Variants in SLC25A26 observed in about 807,000 individuals in gnomAD.
SLC25A26 encodes the protein solute carrier family 25 member 26, also known as mitochondrial S-adenosylmethionine carrier protein.
In SLC25A26, 36 loss-of-function variants were observed where a neutral mutation model predicts 37.8. That is an observed-to-expected ratio of 0.95 (90% CI 0.73 to 1.26). The LOEUF (loss-of-function observed/expected upper bound fraction) is 1.26, where lower values mean the gene tolerates loss of function less well. Ranked by LOEUF, SLC25A26 falls within the 50% of genes most tolerant of loss-of-function variation. SLC25A26 has a pLI of 0.00. For missense variants in SLC25A26, 390 were observed against 331.1 expected, an observed-to-expected ratio of 1.18 and a Z score of -1.38; for synonymous variants, 129 against 122.5, an observed-to-expected ratio of 1.05 and a Z score of -0.35.
intron 1 of SLC25A26, among the ~76,000 whole-genome samples, chr3:66,153,259 C>A (rs1214421955): frequency 2.0e-5 from 3 of 152,156 alleles, no homozygotes; most frequent in Non-Finnish European, 4.4e-5. Context: ...CAAAGAATCA[C>A]TGGGCTTAAA....
At chr3:66,371,440 T>TA (rs1226806402) in intron 9 of SLC25A26, 1 of 1,412,256 alleles carries the variant, frequency 7.1e-7, no homozygotes, top group East Asian at 2.7e-5. Flanking sequence ...TTAAGGTTTT[T>TA]ATAGGAGAGC....
intron 5 of SLC25A26, among the ~76,000 whole-genome samples, chr3:66,292,322 T>C (rs2074740515): frequency 6.6e-6 from 1 of 152,204 alleles, no homozygotes; most frequent in Non-Finnish European, 1.5e-5. Flanking sequence ...TATTGTTATG[T>C]GTGAATGTGA....
At chr3:66,289,660 T>G (rs2074637123) in intron 5 of SLC25A26, among the ~76,000 whole-genome samples, 1 of 152,158 alleles carries the variant, frequency 6.6e-6, no homozygotes, top group South Asian at 2.1e-4. Context: ...AGGCCTCTGT[T>G]CTGTCCCTTG....
At chr3:66,255,493 G>T (rs77239055) in intron 3 of SLC25A26, among the ~76,000 whole-genome samples, 11 of 139,828 alleles carry the variant, frequency 7.9e-5, no homozygotes, top group African/African-American at 1.3e-4. Flanking sequence ...GAGGGAGCAT[G>T]TTTTTTTTTT....
intron 5 of SLC25A26, among the ~76,000 whole-genome samples, chr3:66,315,524 A>G (rs185069091): frequency 1.1e-4 from 17 of 152,272 alleles, no homozygotes; most frequent in South Asian, 4.1e-4. Context: ...TTTGCTCACA[A>G]GTGATTTTCT....
chr3:66,243,470 G>A (rs1003399254), intron 3 of SLC25A26, among the ~76,000 whole-genome samples, 158 bp downstream of exon 3: 1 of 152,156 alleles, frequency 6.6e-6, no homozygotes, highest in Non-Finnish European at 1.5e-5. Context: ...TTCGAAGATA[G>A]AGCCTGACAA....
intron 1 of SLC25A26, among the ~76,000 whole-genome samples, chr3:66,185,798 C>T (rs989213306): frequency 7.9e-5 from 12 of 151,976 alleles, no homozygotes; most frequent in Admixed American, 5.2e-4. Context: ...ACTCTCACCT[C>T]TCTTTGACCA....
chr3:66,222,560 A>G (rs1459903893), intron 1 of SLC25A26, among the ~76,000 whole-genome samples: 1 of 152,252 alleles, frequency 6.6e-6, no homozygotes, highest in Non-Finnish European at 1.5e-5. Context: ...TTCCTGTGCC[A>G]GGAACTGGGG....
At chr3:66,263,264 T>C in intron 4 of SLC25A26, 68 bp from the exon 5 acceptor site, 1 of 1,091,018 alleles carries the variant, frequency 9.2e-7, no homozygotes, top group Non-Finnish European at 1.4e-6. Context: ...GTAGATCTGC[T>C]GTATACAGAA....
chr3:66,134,697 AT>A (rs894235929), intron 1 of SLC25A26, among the ~76,000 whole-genome samples: 1 of 152,200 alleles, frequency 6.6e-6, no homozygotes, highest in Non-Finnish European at 1.5e-5. Context: ...AATCATGTCC[AT>A]GTCTTTGGAA....
At chr3:66,362,575 G>C (rs753814027) in intron 6 of SLC25A26, among the ~76,000 whole-genome samples, 11 of 152,206 alleles carry the variant, frequency 7.2e-5, no homozygotes, top group Non-Finnish European at 1.5e-4. Flanking sequence ...TCATGAGTCA[G>C]TTCACTATCT....
At chr3:66,347,392 A>G (rs2076351362) in intron 6 of SLC25A26, among the ~76,000 whole-genome samples, 1 of 152,256 alleles carries the variant, frequency 6.6e-6, no homozygotes, top group South Asian at 2.1e-4. Context: ...ATCACTGATT[A>G]TTAGAGAAAT....
At chr3:66,192,317 C>CAA (rs1229602690) in intron 1 of SLC25A26, among the ~76,000 whole-genome samples, 62,324 of 111,082 alleles carry the variant, frequency 0.56, 18,290 homozygotes, top group East Asian at 0.75. Flanking sequence ...CTCCATGTCA[C>CAA]AAAAAAAAAA....
intron 3 of SLC25A26, among the ~76,000 whole-genome samples, chr3:66,243,758 G>A (rs1045741088): frequency 6.6e-6 from 1 of 152,168 alleles, no homozygotes; most frequent in African/African-American, 2.4e-5. Flanking sequence ...TGCTCAGAAG[G>A]TTGGTATATG....
chr3:66,207,047 A>G (rs919792067), intron 1 of SLC25A26, among the ~76,000 whole-genome samples: 1 of 151,708 alleles, frequency 6.6e-6, no homozygotes, highest in Non-Finnish European at 1.5e-5. Context: ...TGGCCTAGTT[A>G]CAGGTTCTAT....
chr3:66,331,997 T>G (rs1197663916), intron 5 of SLC25A26, among the ~76,000 whole-genome samples: 1 of 139,404 alleles, frequency 7.2e-6, no homozygotes, highest in Non-Finnish European at 1.5e-5. Context: ...AATGGCACGA[T>G]CTTGGCTCGC....
chr3:66,274,029 A>G (rs1168085836), intron 5 of SLC25A26, among the ~76,000 whole-genome samples: 2 of 152,244 alleles, frequency 1.3e-5, no homozygotes, highest in Non-Finnish European at 2.9e-5. Context: ...CCAAAACAGC[A>G]TGGTACTGGT....
intron 5 of SLC25A26, among the ~76,000 whole-genome samples, chr3:66,282,047 C>G (rs1025790576): frequency 2.8e-5 from 4 of 141,204 alleles, no homozygotes; most frequent in African/African-American, 1.1e-4. Context: ...CTCTGTCGCC[C>G]AGGCCGGACT....
intron 1 of SLC25A26, among the ~76,000 whole-genome samples, chr3:66,222,188 T>TC (rs1414487622): frequency 6.6e-6 from 1 of 151,672 alleles, no homozygotes; most frequent in East Asian, 1.9e-4. Flanking sequence ...ACTGATTTTT[T>TC]TTTTTTTTTT....
Sources: gnomAD v4.1 joint callset for allele counts (sites outside exome capture counted in the v4.1 genomes callset) on GRCh38, gnomAD v4.1.1 for gene constraint, MANE v1.5 for transcripts, NCBI Gene and HGNC (gene_info 2026-07-23, HGNC 2026-07-21) for gene names.